The following MSL1 variants were observed in gnomAD, a reference collection of about 807,000 sequenced individuals.
MSL1 encodes the protein MSL complex subunit 1.
In MSL1, 21 loss-of-function variants were observed where a neutral mutation model predicts 64.6. That is an observed-to-expected ratio of 0.33 (90% CI 0.23 to 0.47). The LOEUF (loss-of-function observed/expected upper bound fraction) is 0.47. MSL1 is among the 20% of genes least tolerant of loss of function. The pLI is 1.00. For missense variants in MSL1, 664 were observed against 793.2 expected (o/e 0.84, Z 1.96); for synonymous variants, 339 against 329.6 (o/e 1.03, Z -0.31).
chr17:40,133,478 T>C, intron 6 of MSL1, 56 bp from the exon 7 acceptor site: 1 of 1,565,642 alleles, frequency 6.4e-7, no homozygotes, highest in Non-Finnish European at 8.6e-7. Context: ...ATAGAGCAGG[T>C]TTTGGGTAAA....
chr17:40,129,762 C>T, intron 3 of MSL1, 135 bp downstream of exon 3: 2 of 942,840 alleles, frequency 2.1e-6, no homozygotes, highest in Non-Finnish European at 1.5e-6. Context: ...AAGTTAACAG[C>T]CAGAGACAGA....
At chr17:40,129,014 A>AAAAAC (rs1039528818) in intron 2 of MSL1, among the ~76,000 whole-genome samples, 3 of 151,990 alleles carry the variant, frequency 2.0e-5, no homozygotes, top group Admixed American at 6.5e-5. Flanking sequence ...ACTCTGTCTC[A>AAAAAC]AAAACAAAAC....
Position 40,134,626 on chromosome 17 carries a change from G to A in MSL1, c.*257G>A. 4.4e-6 allele frequency: 2 copies of A among 458,868 alleles called. No homozygotes were observed. Among genetic ancestry groups the A allele is most frequent in the Non-Finnish European group, 7.9e-6 (2 of 251,734 alleles). 28.4% of individuals were successfully genotyped at this position (458,868 alleles called of 1,614,324 possible). A position where few individuals can be genotyped will look rare whatever the true frequency, so the allele number is the denominator to read the frequency against. On this transcript the variant is annotated 3_prime_UTR_variant, in exon 9 of 9. Coordinates refer to ENST00000398532, the MANE Select transcript of MSL1 (RefSeq NM_001365919.1). ...GGCTCTCAAGCTAAAGCTATAGGATGGCAGATTCAGAAGTTTCAGGGGTCT... is the reference window on the plus strand; with the variant it reads ...GGCTCTCAAGCTAAAGCTATAGGATAGCAGATTCAGAAGTTTCAGGGGTCT...
At position 40,123,081 on chromosome 17, in the gene MSL1, G is replaced by A. The variant is rs1234626316; in HGVS notation, c.469G>A (p.Gly157Ser). ...KEPTPWAGDK[G>S]GAASPAATAS... ...GCCTACGCCCTGGGCTGGGGACAAGGGTGGGGCGGCCTCCCCCGCTGCCAC... is the reference window on the plus strand; with the variant it reads ...GCCTACGCCCTGGGCTGGGGACAAGAGTGGGGCGGCCTCCCCCGCTGCCAC... Residue 157 changes from glycine (G) to serine (S), a missense_variant, in exon 1 of 9, where the codon GGT (glycine) becomes AGT (serine). Gly to Ser is a moderately conservative substitution (Grantham distance 56, BLOSUM62 0). This residue lies in a region of MSL1 where 466 missense variants were observed against 499.0 expected (regional missense o/e 0.93). Transcript: ENST00000398532. 9 of 1,530,352 alleles carry A rather than the reference G, an allele frequency of 5.9e-6. No homozygotes were observed. The Admixed American group carries it at 1.2e-4, about 20-fold the overall frequency. 94.8% of individuals were successfully genotyped at this position (1,530,352 alleles called of 1,614,324 possible).
chr17:40,124,124 C>A (rs79524528), intron 1 of MSL1, among the ~76,000 whole-genome samples: 2,298 of 152,088 alleles, frequency 0.015, 78 homozygotes, highest in African/African-American at 0.052. Context: ...TTTATTATTT[C>A]TTTACTTCTG....
In MSL1 at chr17:40,129,478, C is replaced by T; in HGVS notation, c.1226C>T (p.Thr409Ile). ...RLSTPQKGPS[T>I]HPKEKAFSSE... ...TCCACTCCCCAAAAGGGACCCAGCA[C>T]CCATCCCAAGGAGAAAGCCTTCTCA... is the stretch of plus-strand genomic sequence containing the variant. The change falls in exon 3 of 9, where the codon ACC becomes ATC. Residue 409 changes from threonine (T) to isoleucine (I), a missense_variant. This residue lies in a region of MSL1 where 119 missense variants were observed against 164.3 expected (regional missense o/e 0.72). Transcript: ENST00000398532. 6.2e-7 allele frequency: 1 copy of T among 1,613,948 alleles called. No individual in the cohort carries two copies. Among genetic ancestry groups the T allele is most frequent in the Non-Finnish European group, 8.5e-7 (1 of 1,179,890 alleles).
chr17:40,134,008 G>A, intron 8 of MSL1, 109 bp downstream of exon 8: 1 of 982,300 alleles, frequency 1.0e-6, no homozygotes, highest in Non-Finnish European at 1.6e-6. Flanking sequence ...ATAGCCATGG[G>A]TCTTTGACAG....
At position 40,131,645 on chromosome 17, in the gene MSL1, G is replaced by A; in HGVS notation, c.1423+61G>A. 1 of 1,453,988 alleles carries A rather than the reference G, an allele frequency of 6.9e-7. No individual in the cohort carries two copies. The highest frequency in any genetic ancestry group is 9.7e-7 in the Non-Finnish European group (1 of 1,034,396). 90.1% of individuals were successfully genotyped at this position (1,453,988 alleles called of 1,614,324 possible). A position where few individuals can be genotyped will look rare whatever the true frequency, so the allele number is the denominator to read the frequency against. The stretch of plus-strand genomic sequence containing the variant: ...GGTGGGGGTTGGTGGGATGGTGGAT[G>A]GTTGGGAGCTGCATTCCCCATCCAC... On this transcript the variant is annotated intron_variant, in intron 4 of 8. Coordinates refer to ENST00000398532, the MANE Select transcript of MSL1 (RefSeq NM_001365919.1). This position sits in a 1 kb window ranked among gnomAD's most constrained non-coding sequence, Gnocchi z 4.5.
At chr17:40,126,095 A>C (rs1567668595) in intron 1 of MSL1, 88 bp from the exon 2 acceptor site, 1 of 1,160,508 alleles carries the variant, frequency 8.6e-7, no homozygotes, top group East Asian at 2.5e-5. Context: ...AAGAGGCAGA[A>C]GACTATACTG....
intron 1 of MSL1, 66 bp downstream of exon 1, chr17:40,123,446 G>T (rs1397960006): frequency 7.4e-6 from 11 of 1,484,702 alleles, no homozygotes; most frequent in Middle Eastern, 1.7e-4. Flanking sequence ...GGGGAAGGGG[G>T]CTGTAGGAGG....
At chr17:40,128,645 G>T (rs1426480112) in intron 2 of MSL1, among the ~76,000 whole-genome samples, 1 of 150,166 alleles carries the variant, frequency 6.7e-6, no homozygotes, top group Non-Finnish European at 1.5e-5. Flanking sequence ...GCCTTCCAAA[G>T]TGCTGGGATT....
At chr17:40,126,665 G>A (rs1289443550) in intron 2 of MSL1, 9 of 370,020 alleles carry the variant, frequency 2.4e-5, no homozygotes, top group Admixed American at 2.1e-4. Flanking sequence ...AAAATTAGCC[G>A]GGCGTGATGG....
intron 2 of MSL1, 133 bp from the exon 3 acceptor site, chr17:40,129,112 G>T: frequency 1.4e-6 from 1 of 713,734 alleles, no homozygotes; most frequent in Non-Finnish European, 2.3e-6. Context: ...ATGAGCACCA[G>T]ACATTTAGGT....
At chr17:40,127,304 C>T (rs1338643713) in intron 2 of MSL1, among the ~76,000 whole-genome samples, 1 of 149,232 alleles carries the variant, frequency 6.7e-6, no homozygotes, top group Non-Finnish European at 1.5e-5. Flanking sequence ...CACTGCACTC[C>T]AGCCTGGGTG....
chr17:40,122,043 T>A lies in MSL1; in HGVS notation c.-570T>A, dbSNP rs890577963. 2.0e-5 allele frequency among the ~76,000 whole-genome samples: 3 copies of A among 150,708 alleles called. No individual in the cohort carries two copies. The highest frequency in any genetic ancestry group is 7.3e-5 in the African/African-American group (3 of 40,850). ...GCTCCGTTTTTTTAAAGGGAAACGC[T>A]GAGGCGCCGGGGGTGACTGTGGGGG... On this transcript the variant is annotated 5_prime_UTR_variant, in exon 1 of 9. It removes the in-frame stop codon of an upstream open reading frame in the 5' UTR. Coordinates refer to ENST00000398532, the MANE Select transcript of MSL1 (RefSeq NM_001365919.1). The surrounding 1 kb of genome is among the most constrained non-coding windows in gnomAD (Gnocchi z 4.2).
At position 40,134,511 on chromosome 17, in the gene MSL1, C is replaced by A. The variant is rs1988503972; in HGVS notation, c.*142C>A. On this transcript the variant is annotated 3_prime_UTR_variant, in exon 9 of 9. Coordinates refer to ENST00000398532, the MANE Select transcript of MSL1 (RefSeq NM_001365919.1). The stretch of plus-strand genomic sequence containing the variant: ...TTTCATACTTCCTTGACTTTGTTTT[C>A]ATTACTCTGATTTCACAAAAACTCT... 4.4e-6 allele frequency: 3 copies of A among 676,716 alleles called. No homozygotes were observed. The highest frequency in any genetic ancestry group is 7.5e-6 in the Non-Finnish European group (3 of 397,740). The allele number at this position is 676,716 out of a possible 1,614,324, so 41.9% of individuals were successfully genotyped here.
chr17:40,122,697 G>A lies in MSL1; in HGVS notation c.85G>A (p.Ala29Thr), dbSNP rs1988209740. The change falls in exon 1 of 9, where the codon GCG (alanine) becomes ACG (threonine). Residue 29 changes from alanine (A) to threonine (T), a missense_variant. Transcript: ENST00000398532. This position sits in a 1 kb window ranked among gnomAD's most constrained non-coding sequence, Gnocchi z 4.2. ...GCAGCGACTGGACTACGAGCGGGCT[G>A]CGGCGCTGGGCGGGCCCGAGGACGA... is the stretch of plus-strand genomic sequence containing the variant. ...PEQRLDYERA[A>T]ALGGPEDEPG... 6.7e-7 allele frequency: 1 copy of A among 1,484,306 alleles called. No homozygotes were observed. Among genetic ancestry groups the A allele is most frequent in the Admixed American group, 2.3e-5 (1 of 43,654 alleles). The allele number at this position is 1,484,306 out of a possible 1,614,324, so 91.9% of individuals were successfully genotyped here.
At chr17:40,124,382 T>C (rs993127878) in intron 1 of MSL1, among the ~76,000 whole-genome samples, 11 of 151,614 alleles carry the variant, frequency 7.3e-5, no homozygotes, top group East Asian at 1.9e-4. Flanking sequence ...TCTCTCTCTC[T>C]CTCCCTCCCT....
chr17:40,124,790 G>A (rs1988276600), intron 1 of MSL1: 1 of 152,158 alleles, frequency 6.6e-6, no homozygotes, highest in Non-Finnish European at 1.5e-5. Flanking sequence ...ACATATACAA[G>A]GAGATGAAAT....
Sources: allele counts gnomAD v4.1 joint callset (sites outside exome capture counted in the v4.1 genomes callset), GRCh38; gene constraint gnomAD v4.1.1; regional missense constraint gnomAD v4.1.1; non-coding constraint Gnocchi (gnomAD v3.1); transcripts MANE v1.5; gene names NCBI Gene and HGNC (gene_info 2026-07-23, HGNC 2026-07-21).